Variants in PHEX observed in about 807,000 individuals in gnomAD.
The protein encoded by PHEX is phosphate regulating endopeptidase X-linked.
A neutral mutation model predicts 68.0 loss-of-function variants in PHEX; 16 were observed. That is an observed-to-expected ratio of 0.24 (90% CI 0.16 to 0.36). The LOEUF is 0.36. PHEX is among the 10% of genes least tolerant of loss of function. PHEX has a pLI of 1.00. For missense variants in PHEX, 480 were observed against 575.5 expected (o/e 0.83, Z 1.70); for synonymous variants, 208 against 205.1 (o/e 1.01, Z -0.12).
intron 3 of PHEX, among the ~76,000 whole-genome samples, chrX:22,074,440 T>G (rs1226490361): frequency 9.0e-6 from 1 of 110,879 alleles, no homozygotes; most frequent in Non-Finnish European, 1.9e-5. Context: ...ATTGCCCTAT[T>G]TAGCATCTGC....
At chrX:22,117,598 A>G (rs768473066) in intron 11 of PHEX, among the ~76,000 whole-genome samples, 14 of 111,935 alleles carry the variant, frequency 1.3e-4, no homozygotes, top group Non-Finnish European at 2.1e-4. Context: ...TAAAAAAATT[A>G]TAGCAGGTTT....
intron 20 of PHEX, among the ~76,000 whole-genome samples, chrX:22,239,335 A>T (rs1350842298): frequency 2.7e-5 from 3 of 111,453 alleles, no homozygotes; most frequent in Admixed American, 9.6e-5. Context: ...TCTCCTTCAA[A>T]GGATCACAAC....
chrX:22,069,773 A>G (rs1395932784), intron 3 of PHEX, among the ~76,000 whole-genome samples: 1 of 111,862 alleles, frequency 8.9e-6, no homozygotes, highest in East Asian at 2.8e-4. Flanking sequence ...AGTTAATCCC[A>G]TGCTTGACTG....
chrX:22,148,932 C>T (rs1001231080), intron 12 of PHEX, among the ~76,000 whole-genome samples: 3 of 111,709 alleles, frequency 2.7e-5, no homozygotes, highest in East Asian at 2.8e-4. Context: ...CCTTGGGACA[C>T]GTGACCTTTG....
chrX:22,199,467 A>G (rs776299244), intron 15 of PHEX, among the ~76,000 whole-genome samples: 1 of 112,320 alleles, frequency 8.9e-6, no homozygotes, highest in East Asian at 2.8e-4. Flanking sequence ...TGCCAGAAGT[A>G]AACAGTTCCT....
chrX:22,044,353 C>T (rs893829516), intron 2 of PHEX, among the ~76,000 whole-genome samples: 2 of 111,184 alleles, frequency 1.8e-5, no homozygotes, highest in Admixed American at 1.9e-4. Context: ...ACTATAAATA[C>T]CAACCAAAAG....
chrX:22,209,678 C>T (rs1340205382), intron 15 of PHEX, among the ~76,000 whole-genome samples: 3 of 105,271 alleles, frequency 2.8e-5, no homozygotes, highest in African/African-American at 7.0e-5. Flanking sequence ...TCCTCTCCCT[C>T]CCTCTCCTCC....
chrX:22,043,492 A>G (rs2146984591), intron 2 of PHEX, among the ~76,000 whole-genome samples: 1 of 110,940 alleles, frequency 9.0e-6, no homozygotes, highest in African/African-American at 3.3e-5. Context: ...ACTAAGACAC[A>G]GGTTAAATCA....
chrX:22,231,856 A>ATGTT (rs767460618), intron 20 of PHEX, among the ~76,000 whole-genome samples: 2 of 111,243 alleles, frequency 1.8e-5, no homozygotes, highest in South Asian at 3.8e-4. Context: ...TTTCATTGTG[A>ATGTT]TGTTAGGGTG....
chrX:22,044,955 C>A (rs1218887106), intron 2 of PHEX, among the ~76,000 whole-genome samples: 1 of 109,580 alleles, frequency 9.1e-6, no homozygotes, highest in Non-Finnish European at 1.9e-5. Flanking sequence ...ACCTCAGACT[C>A]CCAAAATGCT....
chrX:22,063,742 T>C (rs749983152), intron 3 of PHEX, among the ~76,000 whole-genome samples: 3 of 112,639 alleles, frequency 2.7e-5, no homozygotes, highest in Non-Finnish European at 5.6e-5. Context: ...CAGTTGTCCT[T>C]AAAATGCTTT....
intron 11 of PHEX, among the ~76,000 whole-genome samples, chrX:22,123,164 T>C (rs907390664): frequency 5.5e-5 from 6 of 108,729 alleles, no homozygotes; most frequent in African/African-American, 2.0e-4. Flanking sequence ...AATTTTTGTA[T>C]TTTTTGTAGA....
At chrX:22,160,228 T>A (rs1933073884) in intron 12 of PHEX, among the ~76,000 whole-genome samples, 1 of 111,674 alleles carries the variant, frequency 9.0e-6, no homozygotes, top group African/African-American at 3.3e-5. Flanking sequence ...CAAAGTCATA[T>A]CTTGCATAGC....
Position 22,079,610 on chromosome X carries a change from AC to A in PHEX, c.663+1909del, listed in dbSNP as rs200126086. On this transcript the variant is annotated intron_variant, in intron 5 of 21. Coordinates refer to ENST00000379374, the MANE Select transcript of PHEX (RefSeq NM_000444.6). ...CTTAAACATGTCCTTAAAAAAAAAA[AC>A]AGTTGGTCTTTGATTCAATCTCCAA... Among the ~76,000 whole-genome samples the A allele has an allele frequency of 3.6e-3, 406 of 111,367 alleles. 1 individual carries two copies. The highest frequency in any genetic ancestry group is 0.013 in the African/African-American group (388 of 30,673).
At chrX:22,120,824 A>G (rs1273287597) in intron 11 of PHEX, among the ~76,000 whole-genome samples, 1 of 112,100 alleles carries the variant, frequency 8.9e-6, no homozygotes, top group Non-Finnish European at 1.9e-5. Flanking sequence ...ACCATTCTCT[A>G]CTAAGGCGGA....
At chrX:22,129,598 T>A (rs1390651507) in intron 11 of PHEX, among the ~76,000 whole-genome samples, 1 of 111,370 alleles carries the variant, frequency 9.0e-6, no homozygotes, top group African/African-American at 3.3e-5. Flanking sequence ...CATAAGTCTG[T>A]CTCATATCTA....
rs975664596 is a variant in PHEX at position 22,087,954 on chromosome X, T to A, written c.664-2475T>A. ...ATTCATTTTTTGTGATGTACATGTC[T>A]AAGTTTTGACAAATGCATAGAGTCA... On this transcript the variant is annotated intron_variant, in intron 5 of 21. Coordinates refer to ENST00000379374, the MANE Select transcript of PHEX (RefSeq NM_000444.6). Among the ~76,000 whole-genome samples, 69 of 111,916 alleles carry A rather than the reference T, an allele frequency of 6.2e-4. 1 individual carries two copies. The highest frequency in any genetic ancestry group is 1.2e-3 in the Non-Finnish European group (62 of 53,209).
At chrX:22,130,790 C>T (rs368300486) in intron 11 of PHEX, among the ~76,000 whole-genome samples, 13 of 110,145 alleles carry the variant, frequency 1.2e-4, no homozygotes, top group African/African-American at 3.6e-4. Flanking sequence ...TTGGTCAGGT[C>T]CTGGCTCTGG....
chrX:22,178,506 C>A, intron 14 of PHEX, 130 bp downstream of exon 14: 1 of 389,850 alleles, frequency 2.6e-6, no homozygotes, highest in Non-Finnish European at 4.6e-6. Flanking sequence ...TTAGCAAAAT[C>A]TGTGTCATGT....
Sources: allele counts gnomAD v4.1 joint callset (sites outside exome capture counted in the v4.1 genomes callset), GRCh38; gene constraint gnomAD v4.1.1; transcripts MANE v1.5; gene names NCBI Gene and HGNC (gene_info 2026-07-23, HGNC 2026-07-21).